Variants in RASSF6 observed in about 807,000 individuals in gnomAD.
The protein encoded by RASSF6 is Ras association domain family member 6.
RASSF6 carries 52 observed loss-of-function variants against 44.0 expected under a neutral mutation model. That is an observed-to-expected ratio of 1.18 (90% CI 0.95 to 1.49). RASSF6 has a LOEUF of 1.49. Ranked by LOEUF, RASSF6 falls within the 40% of genes most tolerant of loss-of-function variation. RASSF6 has a pLI of 0.00. For synonymous variants in RASSF6, 162 were observed against 124.6 expected (o/e 1.30, Z -2.00); for missense variants, 464 against 393.3 (o/e 1.18, Z -1.52).
At chr4:73,588,041 G>C in intron 4 of RASSF6, 107 bp from the exon 5 acceptor site, 1 of 608,832 alleles carries the variant, frequency 1.6e-6, no homozygotes, top group Non-Finnish European at 2.9e-6. Flanking sequence ...GCCTCTGTAG[G>C]TGGATATATT....
intron 4 of RASSF6, among the ~76,000 whole-genome samples, chr4:73,588,337 T>C (rs1306738348): frequency 6.6e-6 from 1 of 152,096 alleles, no homozygotes; most frequent in East Asian, 1.9e-4. Context: ...TATTGTACCT[T>C]TTGCATTCAA....
intron 8 of RASSF6, among the ~76,000 whole-genome samples, chr4:73,581,070 T>C (rs988983617): frequency 6.8e-5 from 10 of 146,162 alleles, no homozygotes; most frequent in African/African-American, 2.0e-4. Context: ...TTTAATTTTA[T>C]ATATGTTTAG....
intron 1 of RASSF6, among the ~76,000 whole-genome samples, chr4:73,617,419 G>A (rs1287530500): frequency 1.3e-5 from 2 of 152,212 alleles, no homozygotes; most frequent in Non-Finnish European, 1.5e-5. Flanking sequence ...ACTGGGTCTG[G>A]GAGGCGCTGC....
chr4:73,592,663 G>C (rs1344620082), intron 4 of RASSF6, among the ~76,000 whole-genome samples: 1 of 152,130 alleles, frequency 6.6e-6, no homozygotes, highest in Non-Finnish European at 1.5e-5. Context: ...TGCATTTCAG[G>C]GTGCTCTGTT....
chr4:73,581,757 C>A, intron 8 of RASSF6, 60 bp downstream of exon 8: 4 of 1,136,232 alleles, frequency 3.5e-6, no homozygotes, highest in Non-Finnish European at 5.3e-6. Context: ...CTGCCTTCCC[C>A]CTGGGCAGCA....
intron 8 of RASSF6, among the ~76,000 whole-genome samples, chr4:73,580,076 T>C (rs1266746547): frequency 2.2e-5 from 3 of 136,394 alleles, no homozygotes; most frequent in Non-Finnish European, 4.6e-5. Flanking sequence ...CCTGTGTCCA[T>C]GTGTTCTCAT....
intron 2 of RASSF6, among the ~76,000 whole-genome samples, chr4:73,608,918 T>A (rs530735120): frequency 1.3e-5 from 2 of 152,340 alleles, no homozygotes; most frequent in Admixed American, 6.5e-5. Context: ...AATTTGTGCT[T>A]AGAAGTGCAG....
chr4:73,581,682 A>G, intron 8 of RASSF6, 135 bp downstream of exon 8: 1 of 574,060 alleles, frequency 1.7e-6, no homozygotes, highest in Non-Finnish European at 3.1e-6. Flanking sequence ...TGTTCTAAAG[A>G]CCACTCCTTC....
intron 2 of RASSF6, among the ~76,000 whole-genome samples, chr4:73,607,597 T>A (rs1007981100): frequency 6.6e-6 from 1 of 152,240 alleles, no homozygotes; most frequent in Non-Finnish European, 1.5e-5. Context: ...TTTAGATCTA[T>A]GTGGATCTCA....
At chr4:73,593,693 A>G (rs769912969) in intron 3 of RASSF6, 100 bp from the exon 4 acceptor site, 3 of 1,120,996 alleles carry the variant, frequency 2.7e-6, no homozygotes, top group Non-Finnish European at 3.9e-6. Flanking sequence ...AGAAACCTAA[A>G]TAGATTAAAA....
chr4:73,608,258 G>A (rs1238948105), intron 2 of RASSF6, among the ~76,000 whole-genome samples: 1 of 151,472 alleles, frequency 6.6e-6, no homozygotes, highest in East Asian at 1.9e-4. Flanking sequence ...ATTATCTTGG[G>A]CAGACAAATG....
chr4:73,620,427 C>T lies in RASSF6; in HGVS notation c.-174G>A, dbSNP rs1232465875. 1.3e-6 allele frequency: 2 copies of T among 1,544,158 alleles called. No homozygotes were observed. Among genetic ancestry groups the T allele is most frequent in the Admixed American group, 2.0e-5 (1 of 49,504 alleles). On this transcript the variant is annotated 5_prime_UTR_variant, in exon 1 of 11. Coordinates refer to ENST00000307439, the MANE Select transcript of RASSF6 (RefSeq NM_177532.5). ...CTGTCTCTGCCGGGCTGGGACTCCGCGAGTCACTCACCTGTAGGGGAGGTC... is the reference window on the plus strand; with the variant it reads ...CTGTCTCTGCCGGGCTGGGACTCCGTGAGTCACTCACCTGTAGGGGAGGTC...
intron 6 of RASSF6, among the ~76,000 whole-genome samples, chr4:73,583,049 C>T (rs534765638): frequency 6.6e-6 from 1 of 152,050 alleles, no homozygotes; most frequent in African/African-American, 2.4e-5. Context: ...TCATCCTGCG[C>T]TAAGGTGAAT....
At position 73,576,099 on chromosome 4, in the gene RASSF6, C is replaced by A. The variant is rs1028992568; in HGVS notation, c.*136G>T. Reference sequence around the variant, plus strand: ...CCTCATCACTTCAAAAAGAAATGAGCTTTTTTTGACATTCAATTTTCTACG... The same window carrying A: ...CCTCATCACTTCAAAAAGAAATGAGATTTTTTTGACATTCAATTTTCTACG... On this transcript the variant is annotated 3_prime_UTR_variant, in exon 11 of 11. Transcript: ENST00000307439. The A allele has an allele frequency of 5.0e-5, 27 of 540,300 alleles. No individual in the cohort carries two copies. Among genetic ancestry groups the A allele is most frequent in the Non-Finnish European group, 8.3e-5 (26 of 312,116 alleles). The allele number at this position is 540,300 out of a possible 1,614,324, so 33.5% of individuals were successfully genotyped here.
At chr4:73,600,424 T>A in intron 2 of RASSF6, among the ~76,000 whole-genome samples, 1 of 152,008 alleles carries the variant, frequency 6.6e-6, no homozygotes, top group Admixed American at 6.6e-5. Context: ...ATATTAAAAT[T>A]CCAAGTATTT....
intron 6 of RASSF6, among the ~76,000 whole-genome samples, chr4:73,583,359 G>A (rs1484249033): frequency 6.6e-6 from 1 of 152,048 alleles, no homozygotes; most frequent in Non-Finnish European, 1.5e-5. Flanking sequence ...TATCAGTTGT[G>A]TTGGCCAAAA....
rs928710237 is a variant in RASSF6 at position 73,574,325 on chromosome 4, C to T, written c.*1910G>A. On this transcript the variant is annotated 3_prime_UTR_variant, in exon 11 of 11. Coordinates refer to ENST00000307439, the MANE Select transcript of RASSF6 (RefSeq NM_177532.5). ...CCTCGAACAGAACCCGTGACTCCTT[C>T]TTTGTGCTTACCCTTTGGCAAAGCC... is the stretch of plus-strand genomic sequence containing the variant. 6.6e-6 allele frequency: 1 copy of T among 152,556 alleles called. No homozygotes were observed. The highest frequency in any genetic ancestry group is 1.5e-5 in the Non-Finnish European group (1 of 68,262). The allele number at this position is 152,556 out of a possible 1,614,324, so 9.5% of individuals were successfully genotyped here.
chr4:73,581,960 C>T, intron 7 of RASSF6, 92 bp from the exon 8 acceptor site: 1 of 962,790 alleles, frequency 1.0e-6, no homozygotes. Context: ...TGTTTTCTCT[C>T]TTCCATTTTT....
intron 3 of RASSF6, among the ~76,000 whole-genome samples, chr4:73,594,097 TA>T (rs1724765837): frequency 2.0e-5 from 3 of 152,358 alleles, no homozygotes; most frequent in Middle Eastern, 6.8e-3. Flanking sequence ...AACATAGATA[TA>T]TTTTTTGTAA....
Sources: gnomAD v4.1 joint callset for allele counts (sites outside exome capture counted in the v4.1 genomes callset) on GRCh38, gnomAD v4.1.1 for gene constraint, MANE v1.5 for transcripts, NCBI Gene and HGNC (gene_info 2026-07-23, HGNC 2026-07-21) for gene names.